C22orf31: variants seen among roughly 807,000 people sequenced by gnomAD.
C22orf31 encodes the protein uncharacterized protein C22orf31.
In C22orf31, 11 loss-of-function variants were observed where a neutral mutation model predicts 15.0. That is an observed-to-expected ratio of 0.73 (90% CI 0.46 to 1.21). The LOEUF (loss-of-function observed/expected upper bound fraction) is 1.21. Among genes scored for constraint, C22orf31 ranks in the 50% most tolerant of loss-of-function variants. The probability of loss-of-function intolerance (pLI) is 0.00; values close to 1 mark genes in which losing one functional copy is unlikely to be tolerated. For synonymous variants in C22orf31, 132 were observed against 133.3 expected (o/e 0.99, Z 0.07); for missense variants, 340 against 347.2 (o/e 0.98, Z 0.17).
Position 29,060,475 on chromosome 22 carries a change from G to A in C22orf31, c.372C>T (p.Phe124=), listed in dbSNP as rs552864793. The change falls in exon 2 of 3, where the codon TTC becomes TTT. Residue 124 remains phenylalanine (F), a synonymous_variant. Coordinates refer to ENST00000216071, the MANE Select transcript of C22orf31 (RefSeq NM_015370.2). ...KATQQARKRN[F]ISSKSKQPAG... is the part of the protein sequence containing the mutation. The stretch of plus-strand genomic sequence containing the variant: ...CTGGCTGCTTGCTCTTGGAACTGAT[G>A]AAGTTTCTTTTCCTGGCCTGCTGGG... 5.6e-6 allele frequency: 9 copies of A among 1,613,852 alleles called. No homozygotes were observed. Among genetic ancestry groups the A allele is most frequent in the South Asian group, 1.1e-5 (1 of 91,062 alleles).
chr22:29,060,656 A>G lies in C22orf31; in HGVS notation c.191T>C (p.Val64Ala). Residue 64 changes from valine (V) to alanine (A), a missense_variant, in exon 2 of 3, where the codon GTT becomes GCT. Physicochemically the swap from Val to Ala is moderately conservative, Grantham distance 64 (BLOSUM62 0). Transcript: ENST00000216071. The stretch of plus-strand genomic sequence containing the variant: ...ACTGGCAATTAATGGGTTCCTTACA[A>G]CTTCCCAAGAGGAAGTGGTAGCTGG... Reference protein sequence around the residue: ...PAPATTSSWEVVRNPLIASSF... With the variant: ...PAPATTSSWEAVRNPLIASSF... The G allele has an allele frequency of 1.2e-6, 2 of 1,614,108 alleles. No individual in the cohort carries two copies. The highest frequency in any genetic ancestry group is 1.7e-6 in the Non-Finnish European group (2 of 1,180,036).
chr22:29,058,920 G>A lies in C22orf31; in HGVS notation c.695C>T (p.Pro232Leu), dbSNP rs368571887. The change falls in exon 3 of 3, where the codon CCC becomes CTC. Residue 232 changes from proline to leucine, a missense_variant. Transcript: ENST00000216071. ...EPMLWNPSGT[P>L]KRYSLELGKA... is the part of the protein sequence containing the mutation. ...GCCCAGCTCCAGGCTGTACCTCTTGGGGGTCCCTGAAGGATTCCACAGCAT... is the reference window on the plus strand; with the variant it reads ...GCCCAGCTCCAGGCTGTACCTCTTGAGGGTCCCTGAAGGATTCCACAGCAT... 1.3e-5 allele frequency: 21 copies of A among 1,614,138 alleles called. No individual in the cohort carries two copies. The highest frequency in any genetic ancestry group is 1.8e-5 in the Non-Finnish European group (21 of 1,180,026).
upstream of C22orf31, among the ~76,000 whole-genome samples, chr22:29,064,337 T>C (rs1466429284): frequency 6.6e-6 from 1 of 152,222 alleles, no homozygotes; most frequent in East Asian, 1.9e-4. Flanking sequence ...CAGATCCATC[T>C]TTCATTAGGC....
rs759439524 is a variant in C22orf31, at chr22:29,059,049, A to G, written c.566T>C (p.Leu189Pro). The G allele has an allele frequency of 1.8e-5, 29 of 1,614,116 alleles. No homozygotes were observed. Among genetic ancestry groups the G allele is most frequent in the African/African-American group, 8.0e-5 (6 of 74,940 alleles). ...GTAAWKGRVL[L>P]PETQKRQQLS... is the part of the protein sequence containing the mutation. Reference sequence around the variant, plus strand: ...CTGCTGTCTCTTTTGGGTTTCAGGAAGCAACACTCGGCCCTTCCAGGCTGC... The same window carrying G: ...CTGCTGTCTCTTTTGGGTTTCAGGAGGCAACACTCGGCCCTTCCAGGCTGC... The change falls in exon 3 of 3, where the codon CTT becomes CCT. Residue 189 changes from leucine (L) to proline (P), a missense_variant. Transcript: ENST00000216071.
rs752885816 is a variant in C22orf31 at position 29,058,822 on chromosome 22, G to T, written c.793C>A (p.Arg265=). 1.9e-6 allele frequency: 3 copies of T among 1,614,004 alleles called. No individual in the cohort carries two copies. The African/African-American group carries it at 4.0e-5, about 22-fold the overall frequency. Residue 265 remains arginine (R), a synonymous_variant, in exon 3 of 3, where the codon CGG becomes AGG. Coordinates refer to ENST00000216071, the MANE Select transcript of C22orf31 (RefSeq NM_015370.2). The part of the protein sequence containing the change: ...GAISEGAQRD[R]FPGRKQPGVH... ...CCTGGCTGCTTCCTGCCAGGGAACC[G>T]GTCCCTCTGAGCACCTTCAGAGATG...
chr22:29,059,960 C>T (rs1200267434), intron 2 of C22orf31: 4 of 984,778 alleles, frequency 4.1e-6, no homozygotes, highest in Non-Finnish European at 4.8e-6. Flanking sequence ...TACACCTCCT[C>T]CCCACATTCT....
rs1325285074 is a variant in C22orf31, at chr22:29,060,015, T to C, written c.432+400A>G. ...CCTTCACTTGGTATAGATCTTTTTT[T>C]CTTTTCTTTTTTTTTTTTTTTTTTT... is the stretch of plus-strand genomic sequence containing the variant. On this transcript the variant is annotated intron_variant, in intron 2 of 2. Coordinates refer to ENST00000216071, the MANE Select transcript of C22orf31 (RefSeq NM_015370.2). The C allele has an allele frequency of 3.1e-5, 29 of 938,960 alleles. No individual in the cohort carries two copies. The Admixed American group carries it at 2.0e-3, about 65-fold the overall frequency. 58.2% of individuals were successfully genotyped at this position (938,960 alleles called of 1,614,324 possible). A position where few individuals can be genotyped will look rare whatever the true frequency, so the allele number is the denominator to read the frequency against.
intron 2 of C22orf31, 74 bp downstream of exon 2, chr22:29,060,341 G>T: frequency 1.5e-6 from 2 of 1,359,900 alleles, no homozygotes; most frequent in African/African-American, 1.4e-5. Context: ...AATCTCAACC[G>T]TTAAGTGTTC....
the C22orf31 span, among the ~76,000 whole-genome samples, chr22:29,069,297 T>C: frequency 6.6e-6 from 1 of 152,094 alleles, no homozygotes; most frequent in Admixed American, 6.5e-5. Context: ...TTGCTGTCAT[T>C]ATAATCAGGC....
chr22:29,059,182 T>C lies in C22orf31; in HGVS notation c.433A>G (p.Ser145Gly). The C allele has an allele frequency of 6.3e-7, 1 of 1,594,002 alleles. No homozygotes were observed. The change falls in exon 3 of 3, where the codon AGT becomes GGT. Residue 145 changes from serine to glycine, a missense_variant and splice_region_variant. Coordinates refer to ENST00000216071, the MANE Select transcript of C22orf31 (RefSeq NM_015370.2). Reference protein sequence around the residue: ...HRRPAGGIRESKESSKEKKLT... With the variant: ...HRRPAGGIREGKESSKEKKLT... Reference sequence around the variant, plus strand: ...TTTTTCTCCTTTGAACTTTCTTTACTCTAGCCAGGAAGAAAGCAGAGAAGT... The same window carrying C: ...TTTTTCTCCTTTGAACTTTCTTTACCCTAGCCAGGAAGAAAGCAGAGAAGT...
chr22:29,071,002 G>A, the C22orf31 span, among the ~76,000 whole-genome samples: 1 of 152,160 alleles, frequency 6.6e-6, no homozygotes, highest in Admixed American at 6.5e-5. Flanking sequence ...AGCTTCACCT[G>A]CATCTTCTCA....
intron 2 of C22orf31, chr22:29,060,014 T>C (rs1406524962): frequency 2.1e-6 from 2 of 942,196 alleles, no homozygotes; most frequent in East Asian, 1.2e-4. Context: ...AGATCTTTTT[T>C]TCTTTTCTTT....
At position 29,058,687 on chromosome 22, in the gene C22orf31, T is replaced by A; in HGVS notation, c.*55A>T. ...CGATAACACGGAAGGTGCAAAGTTG[T>A]GTTTATTTTTCAGATCTCTAGCAGA... is the stretch of plus-strand genomic sequence containing the variant. On this transcript the variant is annotated 3_prime_UTR_variant, in exon 3 of 3. Transcript: ENST00000216071. The A allele has an allele frequency of 2.2e-6, 3 of 1,361,946 alleles. No homozygotes were observed. Among genetic ancestry groups the A allele is most frequent in the Non-Finnish European group, 3.0e-6 (3 of 986,176 alleles). The allele number at this position is 1,361,946 out of a possible 1,614,324, so 84.4% of individuals were successfully genotyped here.
chr22:29,064,188 C>A (rs993192340), upstream of C22orf31, among the ~76,000 whole-genome samples: 2 of 152,210 alleles, frequency 1.3e-5, no homozygotes, highest in Admixed American at 1.3e-4. Flanking sequence ...TGTTCTTAAA[C>A]ACTCACAGTT....
Position 29,060,832 on chromosome 22 carries a change from A to T in C22orf31, c.15T>A (p.Asn5Lys), listed in dbSNP as rs370180216. Residue 5 changes from asparagine (N) to lysine (K), a missense_variant, in exon 2 of 3, where the codon AAT becomes AAA. Physicochemically the swap from Asn to Lys is moderately conservative, Grantham distance 94. Coordinates refer to ENST00000216071, the MANE Select transcript of C22orf31 (RefSeq NM_015370.2). MHPI[N>K]VRRDPSIPIY... ...TAGGGATGCTGGGGTCTCGTCTCACATTGATTGGGTGCTAGAATTATAAGG... is the reference window on the plus strand; with the variant it reads ...TAGGGATGCTGGGGTCTCGTCTCACTTTGATTGGGTGCTAGAATTATAAGG... The T allele has an allele frequency of 5.6e-6, 9 of 1,612,746 alleles. No homozygotes were observed. Among genetic ancestry groups the T allele is most frequent in the Non-Finnish European group, 7.6e-6 (9 of 1,179,000 alleles).
At chr22:29,069,881 T>C in the C22orf31 span, among the ~76,000 whole-genome samples, 76,433 of 150,754 alleles carry the variant, frequency 0.51, 20,258 homozygotes, top group Middle Eastern at 0.64. Flanking sequence ...TAGGCCCCCT[T>C]GCTTGGAAGG....
chr22:29,060,130 C>T (rs897310101), intron 2 of C22orf31: 3 of 282,252 alleles, frequency 1.1e-5, no homozygotes, highest in African/African-American at 4.8e-5. Flanking sequence ...CTCCTGGGTT[C>T]AAGTAATCCT....
chr22:29,059,851 G>A, intron 2 of C22orf31: 1 of 985,122 alleles, frequency 1.0e-6, no homozygotes, highest in Non-Finnish European at 1.2e-6. Flanking sequence ...TCAAGTCTGT[G>A]CTTATGAAAG....
the C22orf31 span, chr22:29,073,281 C>A: frequency 9.9e-6 from 8 of 806,512 alleles, no homozygotes; most frequent in Admixed American, 4.9e-5. This position sits in a 1 kb window ranked among gnomAD's most constrained non-coding sequence, Gnocchi z 4.4. Context: ...ACTCGAGGGG[C>A]GACAAGGGCC....
Sources: gnomAD v4.1 joint callset for allele counts (sites outside exome capture counted in the v4.1 genomes callset) on GRCh38, gnomAD v4.1.1 for gene constraint, Gnocchi (gnomAD v3.1) non-coding constraint, MANE v1.5 for transcripts, NCBI Gene and HGNC (gene_info 2026-07-23, HGNC 2026-07-21) for gene names.